Variants in ASXL1 observed in about 807,000 individuals in gnomAD.
ASXL1 encodes the protein polycomb group protein ASXL1.
In ASXL1, 65 loss-of-function variants were observed where a neutral mutation model predicts 89.1. The observed-to-expected ratio is 0.73, with a 90% CI of 0.60 to 0.90. The LOEUF (loss-of-function observed/expected upper bound fraction) is 0.90. Among genes scored for constraint, ASXL1 ranks in the 40% least tolerant of loss-of-function variants. ASXL1 has a pLI of 0.00. For missense variants in ASXL1, 1,786 were observed against 1,942.9 expected, an observed-to-expected ratio of 0.92 and a Z score of 1.52; for synonymous variants, 739 against 746.9, an observed-to-expected ratio of 0.99 and a Z score of 0.17.
intron 4 of ASXL1, among the ~76,000 whole-genome samples, chr20:32,397,250 C>CTTTT (rs71187116): frequency 0.1 from 714 of 7,006 alleles, 208 homozygotes; most frequent in East Asian, 0.27. Context: ...CCATGCCTGG[C>CTTTT]TTTTTTTTTT....
intron 4 of ASXL1, among the ~76,000 whole-genome samples, chr20:32,408,803 G>T (rs1003909052): frequency 3.3e-5 from 5 of 151,904 alleles, no homozygotes; most frequent in African/African-American, 9.7e-5. Context: ...GGATTATGTT[G>T]ACTTTGTAGG....
chr20:32,395,522 C>T (rs901634388), intron 4 of ASXL1, among the ~76,000 whole-genome samples: 2 of 152,034 alleles, frequency 1.3e-5, no homozygotes, highest in South Asian at 2.1e-4. Context: ...TGTTTGAATT[C>T]TCTTGAGCTT....
chr20:32,435,129 CCGTT>C lies in ASXL1; in HGVS notation c.2419_2422del (p.Val807LeufsTer10). On this transcript the variant is annotated frameshift_variant, in exon 13 of 13. Coordinates refer to ENST00000375687, the MANE Select transcript of ASXL1 (RefSeq NM_015338.6). LOFTEE classifies it low-confidence loss of function (END_TRUNC). ...AGTGATGATGAGGAGCAAGGACCCA[CCGTT>C]CCTGCAGACAATGGTCCCATTCCGT... 1 of 1,613,942 alleles carries C rather than the reference CCGTT, an allele frequency of 6.2e-7. No individual in the cohort carries two copies. The highest frequency in any genetic ancestry group is 8.5e-7 in the Non-Finnish European group (1 of 1,180,030).
chr20:32,369,242 G>T, intron 4 of ASXL1, 119 bp downstream of exon 4: 1 of 946,786 alleles, frequency 1.1e-6, no homozygotes, highest in South Asian at 1.3e-5. Flanking sequence ...GCAGTCAGGT[G>T]ACACTGATGT....
In ASXL1 at chr20:32,369,085, T is replaced by A; in HGVS notation, c.214T>A (p.Tyr72Asn). 6.2e-7 allele frequency: 1 copy of A among 1,614,030 alleles called. No individual in the cohort carries two copies. Among genetic ancestry groups the A allele is most frequent in the East Asian group, 2.2e-5 (1 of 44,886 alleles). ...TTCAAGAGGAGGAGAGGGGTTGTTT[T>A]ATAAACTGCCTGGCCGAATCAGCCT... ...SNSRGGEGLF[Y>N]KLPGRISLFT... Residue 72 changes from tyrosine to asparagine, a missense_variant, in exon 4 of 13, where the codon TAT (tyrosine) becomes AAT (asparagine). Tyr to Asn is a moderately radical substitution (Grantham distance 143). Around this residue, in one of 3 missense-constraint regions of ASXL1, gnomAD observed 332 missense variants for 449.7 expected, o/e 0.74. Transcript: ENST00000375687.
intron 4 of ASXL1, among the ~76,000 whole-genome samples, chr20:32,392,757 T>TA (rs2048695428): frequency 1.3e-5 from 2 of 152,172 alleles, no homozygotes; most frequent in Non-Finnish European, 2.9e-5. Context: ...AGAAGTGTGA[T>TA]ATTATATTTT....
intron 4 of ASXL1, among the ~76,000 whole-genome samples, chr20:32,423,306 T>C (rs1212946665): frequency 6.6e-6 from 1 of 152,024 alleles, no homozygotes; most frequent in Non-Finnish European, 1.5e-5. Context: ...CTCAGCTCAC[T>C]GCAACCTCCA....
intron 4 of ASXL1, among the ~76,000 whole-genome samples, chr20:32,416,834 CTT>C (rs1234405057): frequency 3.9e-5 from 6 of 152,120 alleles, no homozygotes; most frequent in South Asian, 2.1e-4. Context: ...AAATATAAAA[CTT>C]ATAAATCTTT....
chr20:32,438,160 A>C lies in ASXL1; in HGVS notation c.*822A>C, dbSNP rs2012037205. The stretch of plus-strand genomic sequence containing the variant: ...ATCTCCACGCACCTGTGTATGTGAA[A>C]GTCATTTTACATTTCAAAGCAGTGT... On this transcript the variant is annotated 3_prime_UTR_variant, in exon 13 of 13. Coordinates refer to ENST00000375687, the MANE Select transcript of ASXL1 (RefSeq NM_015338.6). The C allele has an allele frequency of 4.3e-6, 1 of 233,390 alleles. No individual in the cohort carries two copies. Among genetic ancestry groups the C allele is most frequent in the Non-Finnish European group, 8.5e-6 (1 of 117,990 alleles). The allele number at this position is 233,390 out of a possible 1,614,324, so 14.5% of individuals were successfully genotyped here. A position where few individuals can be genotyped will look rare whatever the true frequency, so the allele number is the denominator to read the frequency against.
At chr20:32,401,436 A>G (rs2048868984) in intron 4 of ASXL1, among the ~76,000 whole-genome samples, 1 of 152,100 alleles carries the variant, frequency 6.6e-6, no homozygotes, top group South Asian at 2.1e-4. Flanking sequence ...TCAGAATGTC[A>G]TAATACAGTA....
chr20:32,374,592 G>GC (rs2048348239), intron 4 of ASXL1, among the ~76,000 whole-genome samples: 1 of 152,136 alleles, frequency 6.6e-6, no homozygotes, highest in Non-Finnish European at 1.5e-5. Context: ...ACGGTGCCCG[G>GC]CCCCTTATTC....
In ASXL1 at chr20:32,434,561, A is replaced by T. The variant is rs1285568939; in HGVS notation, c.1849A>T (p.Ile617Phe). 2 of 1,613,608 alleles carry T rather than the reference A, an allele frequency of 1.2e-6. No homozygotes were observed. The highest frequency in any genetic ancestry group is 1.7e-6 in the Non-Finnish European group (2 of 1,180,006). The change falls in exon 13 of 13, where the codon ATT becomes TTT. Residue 617 changes from isoleucine to phenylalanine, a missense_variant. By Grantham distance (21) the Ile-to-Phe change is conservative. Transcript: ENST00000375687. ...GWTGARTLAD[I>F]KARALQVRGA... is the part of the protein sequence containing the mutation. Reference sequence around the variant, plus strand: ...GACTGGCGCCAGGACCCTCGCAGACATTAAAGCCCGTGCTCTGCAGGTCCG... The same window carrying T: ...GACTGGCGCCAGGACCCTCGCAGACTTTAAAGCCCGTGCTCTGCAGGTCCG...
At chr20:32,397,831 C>G (rs1011972799) in intron 4 of ASXL1, among the ~76,000 whole-genome samples, 2 of 152,234 alleles carry the variant, frequency 1.3e-5, no homozygotes, top group African/African-American at 2.4e-5. Context: ...CAAACTTGCT[C>G]TGGGACATAA....
At chr20:32,360,082 A>T (rs1472886028) in intron 1 of ASXL1, 1 of 455,570 alleles carries the variant, frequency 2.2e-6, no homozygotes, top group African/African-American at 2.0e-5. Flanking sequence ...AAAAAAAAAT[A>T]GACTGTATTG....
At chr20:32,416,089 T>C (rs995920873) in intron 4 of ASXL1, among the ~76,000 whole-genome samples, 3 of 152,180 alleles carry the variant, frequency 2.0e-5, no homozygotes, top group African/African-American at 7.2e-5. Context: ...AATTGAGATA[T>C]AATAGTTATA....
intron 4 of ASXL1, among the ~76,000 whole-genome samples, chr20:32,417,887 TA>T (rs2049165081): frequency 6.6e-6 from 1 of 151,604 alleles, no homozygotes; most frequent in Non-Finnish European, 1.5e-5. Context: ...CTACAAAAAA[TA>T]AAAAAGTTGG....
Position 32,437,127 on chromosome 20 carries a change from T to A in ASXL1, c.4415T>A (p.Val1472Glu). ...TFPKGLAGSV[V>E]QLSHKANFGA... is the part of the protein sequence containing the mutation. Reference sequence around the variant, plus strand: ...CCCAAAGGCCTTGCTGGAAGTGTGGTGCAGCTGAGCCACAAAGCAAACTTT... The same window carrying A: ...CCCAAAGGCCTTGCTGGAAGTGTGGAGCAGCTGAGCCACAAAGCAAACTTT... Residue 1472 changes from valine (V) to glutamate (E), a missense_variant, in exon 13 of 13, where the codon GTG (valine) becomes GAG (glutamate). By Grantham distance (121) the Val-to-Glu change is moderately radical. Coordinates refer to ENST00000375687, the MANE Select transcript of ASXL1 (RefSeq NM_015338.6). The A allele has an allele frequency of 6.2e-7, 1 of 1,614,166 alleles. No individual in the cohort carries two copies. Among genetic ancestry groups the A allele is most frequent in the East Asian group, 2.2e-5 (1 of 44,882 alleles).
At position 32,435,653 on chromosome 20, in the gene ASXL1, G is replaced by A. The variant is rs762630959; in HGVS notation, c.2941G>A (p.Glu981Lys). The change falls in exon 13 of 13, where the codon GAA becomes AAA. Residue 981 changes from glutamate (E) to lysine (K), a missense_variant. Transcript: ENST00000375687. ...CAGTTACTGTCAACAGGTGGACATT[G>A]AAAAGCTGAAAATCAACGGAGACTC... is the stretch of plus-strand genomic sequence containing the variant. ...NGSYCQQVDI[E>K]KLKINGDSEA... 6.2e-7 allele frequency: 1 copy of A among 1,614,180 alleles called. No homozygotes were observed. Among genetic ancestry groups the A allele is most frequent in the East Asian group, 2.2e-5 (1 of 44,884 alleles).
intron 4 of ASXL1, among the ~76,000 whole-genome samples, chr20:32,403,446 A>G (rs564892628): frequency 2.6e-5 from 4 of 152,186 alleles, no homozygotes; most frequent in Admixed American, 1.3e-4. Context: ...AGACAGCCTC[A>G]GTGTTTTGCC....
Sources: gnomAD v4.1 joint callset for allele counts (sites outside exome capture counted in the v4.1 genomes callset) on GRCh38, gnomAD v4.1.1 for gene constraint, gnomAD v4.1.1 regional missense constraint, MANE v1.5 for transcripts, NCBI Gene and HGNC (gene_info 2026-07-23, HGNC 2026-07-21) for gene names.